The following CACNA1E variants were observed in gnomAD, a reference collection of about 807,000 sequenced individuals.
The protein encoded by CACNA1E is calcium voltage-gated channel subunit alpha1 E, also known as voltage-dependent R-type calcium channel subunit alpha-1E.
CACNA1E carries 40 observed loss-of-function variants against 259.2 expected under a neutral mutation model. The ratio of observed to expected loss-of-function variants is 0.15; its 90% CI spans 0.12 to 0.20. CACNA1E has a LOEUF of 0.20. CACNA1E is among the 10% of genes least tolerant of loss of function. The pLI is 1.00. For missense variants in CACNA1E, 1,874 were observed against 3,040.1 expected, an observed-to-expected ratio of 0.62 and a Z score of 9.02; for synonymous variants, 1,104 against 1,138.5, an observed-to-expected ratio of 0.97 and a Z score of 0.61.
At chr1:181,599,159 C>T (rs1653497404) in intron 6 of CACNA1E, among the ~76,000 whole-genome samples, 1 of 151,984 alleles carries the variant, frequency 6.6e-6, no homozygotes, top group Non-Finnish European at 1.5e-5. Context: ...TCCCCCCTCC[C>T]ATGTGTCCAT....
At chr1:181,587,796 T>C (rs1652224743) in intron 6 of CACNA1E, among the ~76,000 whole-genome samples, 1 of 152,034 alleles carries the variant, frequency 6.6e-6, no homozygotes, top group Non-Finnish European at 1.5e-5. Flanking sequence ...GGCAGGAGAA[T>C]GGTGTGAACC....
chr1:181,738,460 G>A (rs779330404), intron 24 of CACNA1E, 34 bp downstream of exon 24: 1 of 1,535,654 alleles, frequency 6.5e-7, no homozygotes, highest in Non-Finnish European at 9.0e-7. Flanking sequence ...GGGCTCTTGG[G>A]TTTAGATGGG....
At chr1:181,636,758 T>C (rs1657251362) in intron 6 of CACNA1E, among the ~76,000 whole-genome samples, 1 of 152,202 alleles carries the variant, frequency 6.6e-6, no homozygotes, top group African/African-American at 2.4e-5. Flanking sequence ...AGTCTCTGGT[T>C]GACACAGCTG....
chr1:181,381,290 A>G (rs1002952351), intron 1 of CACNA1E, among the ~76,000 whole-genome samples: 2 of 152,216 alleles, frequency 1.3e-5, no homozygotes, highest in Non-Finnish European at 2.9e-5. Flanking sequence ...AAACCCATAT[A>G]TCAACACAAT....
chr1:181,757,033 C>T lies in CACNA1E; in HGVS notation c.4236C>T (p.Phe1412=). Reference sequence around the variant, plus strand: ...TAGTCTACTTTGTGGTCTTCCCCTTCTTCTTTGTCAATATCTTTGTGGCTC... The same window carrying T: ...TAGTCTACTTTGTGGTCTTCCCCTTTTTCTTTGTCAATATCTTTGTGGCTC... The part of the protein sequence containing the change: ...FYVVYFVVFP[F]FFVNIFVALI... The change falls in exon 30 of 48, where the codon TTC becomes TTT. Residue 1412 remains phenylalanine (F), a synonymous_variant. Coordinates refer to ENST00000367573, the MANE Select transcript of CACNA1E (RefSeq NM_001205293.3). 6.2e-7 allele frequency: 1 copy of T among 1,613,792 alleles called. No homozygotes were observed. Among genetic ancestry groups the T allele is most frequent in the Non-Finnish European group, 8.5e-7 (1 of 1,179,696 alleles).
At chr1:181,418,302 G>A (rs1244597900) in intron 2 of CACNA1E, among the ~76,000 whole-genome samples, 1 of 152,078 alleles carries the variant, frequency 6.6e-6, no homozygotes, top group Non-Finnish European at 1.5e-5. Flanking sequence ...TGGCTTTTAC[G>A]ATACCCACTC....
chr1:181,606,928 AC>A, intron 6 of CACNA1E, among the ~76,000 whole-genome samples: 1 of 152,228 alleles, frequency 6.6e-6, no homozygotes, highest in Non-Finnish European at 1.5e-5. Flanking sequence ...CTGATCATTG[AC>A]CCTAAACAAA....
At chr1:181,397,750 C>T (rs1469936864) in intron 1 of CACNA1E, among the ~76,000 whole-genome samples, 6 of 152,208 alleles carry the variant, frequency 3.9e-5, no homozygotes, top group Non-Finnish European at 8.8e-5. Flanking sequence ...TCTTGTCCTT[C>T]CCTCTCCCTG....
chr1:181,539,734 C>A (rs760688291), intron 3 of CACNA1E, among the ~76,000 whole-genome samples: 3 of 152,108 alleles, frequency 2.0e-5, no homozygotes, highest in Non-Finnish European at 4.4e-5. Flanking sequence ...TGAGCAGTAA[C>A]CTCTGAATAT....
rs183065185 is a variant in CACNA1E at position 181,771,316 on chromosome 1, C to T, written c.4905C>T (p.Asp1635=). The T allele has an allele frequency of 1.2e-3, 1,969 of 1,587,800 alleles. 1 individual carries two copies. Among genetic ancestry groups the T allele is most frequent in the Admixed American group, 1.7e-3 (97 of 57,746 alleles). Residue 1635 remains aspartate, a synonymous_variant, in exon 36 of 48, where the codon GAC becomes GAT. Coordinates refer to ENST00000367573, the MANE Select transcript of CACNA1E (RefSeq NM_001205293.3). The part of the protein sequence containing the change: ...GMQVFGNIKL[D]EESHINRHNN... ...AGGTATTTGGAAACATAAAATTAGACGAGGAGAGTCACATCAACCGGCACA... is the reference window on the plus strand; with the variant it reads ...AGGTATTTGGAAACATAAAATTAGATGAGGAGAGTCACATCAACCGGCACA...
Position 181,397,821 on chromosome 1 carries a change from G to A in CACNA1E, c.-14-15312G>A, listed in dbSNP as rs114427886. On this transcript the variant is annotated intron_variant, in intron 1 of 11. Transcript: ENST00000524607. ...CCTTACCCTTCTTGTACTCCAGTCA[G>A]TTCTCATTGGCATTCTCCTGGTTCT... Among the ~76,000 whole-genome samples the A allele has an allele frequency of 7.1e-3, 1,082 of 152,218 alleles. 15 individuals are homozygous for A. The highest frequency in any genetic ancestry group is 0.025 in the African/African-American group (1,041 of 41,502).
intron 6 of CACNA1E, among the ~76,000 whole-genome samples, chr1:181,640,093 G>A: frequency 6.6e-6 from 1 of 152,154 alleles, no homozygotes; most frequent in Non-Finnish European, 1.5e-5. Context: ...ACAATTATAT[G>A]GCACTACGGG....
intron 6 of CACNA1E, among the ~76,000 whole-genome samples, chr1:181,638,157 C>T (rs138251673): frequency 2.0e-5 from 3 of 152,208 alleles, no homozygotes; most frequent in South Asian, 4.2e-4. Context: ...ATCACTTGCC[C>T]CACTTTACAA....
chr1:181,360,746 A>C (rs949973504), intron 1 of CACNA1E, among the ~76,000 whole-genome samples: 1 of 152,224 alleles, frequency 6.6e-6, no homozygotes, highest in Non-Finnish European at 1.5e-5. Flanking sequence ...TAAGTGAATT[A>C]TATTTCAATT....
chr1:181,784,891 C>T lies in CACNA1E; in HGVS notation c.5578+123C>T, dbSNP rs1244410511. 7.8e-6 allele frequency: 5 copies of T among 637,068 alleles called. 1 individual carries two copies. Among genetic ancestry groups the T allele is most frequent in the East Asian group, 5.5e-5 (2 of 36,614 alleles). 39.5% of individuals were successfully genotyped at this position (637,068 alleles called of 1,614,324 possible). A position where few individuals can be genotyped will look rare whatever the true frequency, so the allele number is the denominator to read the frequency against. ...GTTTGCCCTTTTCAATTAATAAGGA[C>T]AAAAGGGACTTAAGGATAAAACATG... is the stretch of plus-strand genomic sequence containing the variant. On this transcript the variant is annotated intron_variant, in intron 41 of 47. Transcript: ENST00000367573.
chr1:181,649,747 C>T (rs987072157), intron 6 of CACNA1E, among the ~76,000 whole-genome samples: 2 of 152,132 alleles, frequency 1.3e-5, no homozygotes, highest in African/African-American at 2.4e-5. Flanking sequence ...CAAACCAACA[C>T]AGGAACAGAC....
chr1:181,641,517 T>A (rs1657744644), intron 6 of CACNA1E, among the ~76,000 whole-genome samples: 1 of 152,048 alleles, frequency 6.6e-6, no homozygotes, highest in Admixed American at 6.6e-5. Flanking sequence ...CCACTTCATG[T>A]CTGGGTGAAA....
chr1:181,638,089 T>C (rs1657404149), intron 6 of CACNA1E, among the ~76,000 whole-genome samples: 1 of 152,070 alleles, frequency 6.6e-6, no homozygotes, highest in African/African-American at 2.4e-5. Context: ...GCAAGATGTG[T>C]TGGTTAGAAA....
chr1:181,433,179 T>C (rs985412243), intron 2 of CACNA1E, among the ~76,000 whole-genome samples: 1 of 152,166 alleles, frequency 6.6e-6, no homozygotes, highest in African/African-American at 2.4e-5. Flanking sequence ...CAGCTTTGAG[T>C]GTCTTGGCCT....
Sources: gnomAD v4.1 joint callset for allele counts (sites outside exome capture counted in the v4.1 genomes callset) on GRCh38, gnomAD v4.1.1 for gene constraint, MANE v1.5 for transcripts, NCBI Gene and HGNC (gene_info 2026-07-23, HGNC 2026-07-21) for gene names.